The following DYNC2H1 variants were observed in gnomAD, a reference collection of about 807,000 sequenced individuals.
DYNC2H1 encodes the protein cytoplasmic dynein 2 heavy chain 1.
A neutral mutation model predicts 570.0 loss-of-function variants in DYNC2H1; 410 were observed. The observed-to-expected ratio is 0.72, with a 90% CI of 0.66 to 0.78. The LOEUF is 0.78. Among genes scored for constraint, DYNC2H1 ranks in the 30% least tolerant of loss-of-function variants. The pLI is 0.00. For synonymous variants in DYNC2H1, 1,688 were observed against 1,677.6 expected, an observed-to-expected ratio of 1.01 and a Z score of -0.15; for missense variants, 4,865 against 5,046.4, an observed-to-expected ratio of 0.96 and a Z score of 1.09.
At chr11:103,310,335 A>C (rs1413131877) in intron 78 of DYNC2H1, among the ~76,000 whole-genome samples, 4 of 151,906 alleles carry the variant, frequency 2.6e-5, no homozygotes, top group Non-Finnish European at 5.9e-5. Context: ...TCATACTGAA[A>C]TTGTTCTAAG....
intron 17 of DYNC2H1, among the ~76,000 whole-genome samples, chr11:103,141,739 A>G (rs888638693): frequency 6.6e-6 from 1 of 152,218 alleles, no homozygotes; most frequent in Non-Finnish European, 1.5e-5. Flanking sequence ...TGCTCTCTTC[A>G]AAGCTGTCAG....
chr11:103,219,641 T>C (rs1276939857), intron 55 of DYNC2H1, among the ~76,000 whole-genome samples: 1 of 152,040 alleles, frequency 6.6e-6, no homozygotes, highest in East Asian at 1.9e-4. Flanking sequence ...GAAAATTACG[T>C]TTTTCTATCT....
chr11:103,454,987 G>A (rs185993289), intron 85 of DYNC2H1, 199 bp from the exon 86 acceptor site: 155 of 481,800 alleles, frequency 3.2e-4, no homozygotes, highest in Non-Finnish European at 5.2e-4. Flanking sequence ...GCAAGGAATC[G>A]TATTTAAGAT....
chr11:103,420,114 C>T (rs1009970890), intron 84 of DYNC2H1, among the ~76,000 whole-genome samples: 10 of 151,974 alleles, frequency 6.6e-5, no homozygotes, highest in Non-Finnish European at 1.3e-4. Context: ...ATGAATAAAA[C>T]CTCCGAGAAA....
rs529721574 is a variant in DYNC2H1 at position 103,115,805 on chromosome 11, A to G, written c.621+510A>G. Among the ~76,000 whole-genome samples, 4 of 152,240 alleles carry G rather than the reference A, an allele frequency of 2.6e-5. No individual in the cohort carries two copies. The South Asian group carries it at 6.2e-4, about 24-fold the overall frequency. On this transcript the variant is annotated intron_variant, in intron 4 of 88. Coordinates refer to ENST00000375735, the MANE Select transcript of DYNC2H1 (RefSeq NM_001377.3). ...CATCTCTAGAAAAAAACAAAAAACA[A>G]AAAAAACCCCAAAATTACTTTTCTG...
At chr11:103,315,078 A>C (rs905929683) in intron 79 of DYNC2H1, among the ~76,000 whole-genome samples, 3 of 150,004 alleles carry the variant, frequency 2.0e-5, no homozygotes, top group African/African-American at 7.4e-5. Flanking sequence ...TTGTTTTCAT[A>C]ATATCCACAA....
intron 85 of DYNC2H1, among the ~76,000 whole-genome samples, chr11:103,450,985 A>G (rs370217253): frequency 2.0e-5 from 3 of 152,174 alleles, no homozygotes; most frequent in Admixed American, 6.5e-5. Flanking sequence ...ACAGTTTCCA[A>G]TGATATTAAA....
At chr11:103,206,049 A>G (rs1862909530) in intron 52 of DYNC2H1, among the ~76,000 whole-genome samples, 1 of 152,154 alleles carries the variant, frequency 6.6e-6, no homozygotes, top group African/African-American at 2.4e-5. Context: ...CAATGGTTGG[A>G]GCAGTTACAA....
At position 103,443,836 on chromosome 11, in the gene DYNC2H1, T is replaced by C. The variant is rs560837428; in HGVS notation, c.12456+7804T>C. Reference sequence around the variant, plus strand: ...ATGTCTGGATTGAAGATGATTTATATTGGATATTTTTAAAATATTTGACTT... The same window carrying C: ...ATGTCTGGATTGAAGATGATTTATACTGGATATTTTTAAAATATTTGACTT... On this transcript the variant is annotated intron_variant, in intron 85 of 88. Transcript: ENST00000375735. 4.1e-4 allele frequency among the ~76,000 whole-genome samples: 62 copies of C among 151,980 alleles called. No individual in the cohort carries two copies. The South Asian group carries it at 8.3e-3, about 20-fold the overall frequency.
rs1436803072 is a variant in DYNC2H1, at chr11:103,188,560, A to C, written c.7204A>C (p.Ile2402Leu). 1 of 1,610,940 alleles carries C rather than the reference A, an allele frequency of 6.2e-7. No homozygotes were observed. The highest frequency in any genetic ancestry group is 1.1e-5 in the South Asian group (1 of 90,716). Residue 2402 changes from isoleucine (I) to leucine (L), a missense_variant, in exon 44 of 89, where the codon ATT becomes CTT. This residue lies in a region of DYNC2H1 where 2,401 missense variants were observed against 2,454.6 expected (regional missense o/e 0.98). Coordinates refer to ENST00000375735, the MANE Select transcript of DYNC2H1 (RefSeq NM_001377.3). ...LEWVGLENIQ[I>L]VASMSAGGRL... ...ATGGGTTGGTCTAGAAAATATTCAA[A>C]TTGTGGCTTCTATGTCAGCTGGAGG...
At chr11:103,197,707 A>G (rs1591394110) in intron 47 of DYNC2H1, among the ~76,000 whole-genome samples, 1 of 152,106 alleles carries the variant, frequency 6.6e-6, no homozygotes, top group Admixed American at 6.5e-5. Context: ...CTTGGCCTCC[A>G]AAAGTGCGGG....
chr11:103,267,914 C>T (rs1029180575), intron 70 of DYNC2H1, among the ~76,000 whole-genome samples: 2 of 151,908 alleles, frequency 1.3e-5, no homozygotes, highest in African/African-American at 4.8e-5. Flanking sequence ...TGAGTATAAA[C>T]ATGTTAACTT....
At chr11:103,433,485 G>T (rs1280629213) in intron 84 of DYNC2H1, among the ~76,000 whole-genome samples, 1 of 152,102 alleles carries the variant, frequency 6.6e-6, no homozygotes, top group Admixed American at 6.6e-5. Flanking sequence ...ATCCAAGTGT[G>T]GTTTAGCTGA....
chr11:103,186,155 T>A lies in DYNC2H1; in HGVS notation c.6634-87T>A. The stretch of plus-strand genomic sequence containing the variant: ...AAGTTTTCTTGGAACTAAGATGATT[T>A]ACTTTTGGGATATTTACTTGGAAGA... On this transcript the variant is annotated intron_variant, in intron 41 of 88. Transcript: ENST00000375735. This position sits in a 1 kb window ranked among gnomAD's most constrained non-coding sequence, Gnocchi z 4.5. The A allele has an allele frequency of 7.6e-7, 1 of 1,309,878 alleles. No individual in the cohort carries two copies. 81.1% of individuals were successfully genotyped at this position (1,309,878 alleles called of 1,614,324 possible).
At chr11:103,131,247 A>G (rs1859251081) in intron 13 of DYNC2H1, among the ~76,000 whole-genome samples, 1 of 152,160 alleles carries the variant, frequency 6.6e-6, no homozygotes, top group South Asian at 2.1e-4. Context: ...TAAAGAACTC[A>G]TGACAAAAAG....
chr11:103,213,341 A>G (rs538837593), intron 54 of DYNC2H1, among the ~76,000 whole-genome samples: 1 of 152,218 alleles, frequency 6.6e-6, no homozygotes, highest in Non-Finnish European at 1.5e-5. Flanking sequence ...TTAGTGAGTT[A>G]CCCCTTGCTT....
intron 84 of DYNC2H1, chr11:103,404,234 T>G (rs1300505406): frequency 6.6e-6 from 1 of 151,824 alleles, no homozygotes; most frequent in Non-Finnish European, 1.5e-5. Flanking sequence ...TACTAGTATC[T>G]TATCAAGAAA....
At position 103,237,497 on chromosome 11, in the gene DYNC2H1, AATTG is replaced by A. The variant is rs547427198; in HGVS notation, c.9819+960_9819+963del. On this transcript the variant is annotated intron_variant, in intron 63 of 88. Coordinates refer to ENST00000375735, the MANE Select transcript of DYNC2H1 (RefSeq NM_001377.3). ...ACCGGTAGAGAAGTTGCTGACCACT[AATTG>A]AATAGTTTTGCTTTCTATTAATTTG... 4.1e-4 allele frequency among the ~76,000 whole-genome samples: 62 copies of A among 152,138 alleles called. No individual in the cohort carries two copies. In the South Asian group the frequency reaches 9.3e-3, roughly 23 times the overall value.
chr11:103,158,670 T>C lies in DYNC2H1; in HGVS notation c.4128-7T>C. On this transcript the variant is annotated splice_polypyrimidine_tract_variant and splice_region_variant and intron_variant, in intron 26 of 88. Transcript: ENST00000375735. ...TAGATGTGAAGATACTTTTTTTTCTTTTGTAGATCAATAATGACTGATATC... is the reference window on the plus strand; with the variant it reads ...TAGATGTGAAGATACTTTTTTTTCTCTTGTAGATCAATAATGACTGATATC... 6.6e-7 allele frequency: 1 copy of C among 1,521,938 alleles called. No homozygotes were observed. The highest frequency in any genetic ancestry group is 8.8e-7 in the Non-Finnish European group (1 of 1,132,566). The allele number at this position is 1,521,938 out of a possible 1,614,324, so 94.3% of individuals were successfully genotyped here.
Sources: gnomAD v4.1 joint callset for allele counts (sites outside exome capture counted in the v4.1 genomes callset) on GRCh38, gnomAD v4.1.1 for gene constraint, gnomAD v4.1.1 regional missense constraint, Gnocchi (gnomAD v3.1) non-coding constraint, MANE v1.5 for transcripts, NCBI Gene and HGNC (gene_info 2026-07-23, HGNC 2026-07-21) for gene names.